Variants in XPO4 observed in about 807,000 individuals in gnomAD.
The protein encoded by XPO4 is exportin-4.
In XPO4, 39 loss-of-function variants were observed where a neutral mutation model predicts 143.0. That is an observed-to-expected ratio of 0.27 (90% CI 0.21 to 0.36). XPO4 has a LOEUF of 0.36. XPO4 is among the 10% of genes least tolerant of loss of function. The pLI is 1.00. For missense variants in XPO4, 907 were observed against 1,348.0 expected (o/e 0.67, Z 5.12); for synonymous variants, 439 against 474.0 (o/e 0.93, Z 0.96).
chr13:20,793,160 GTTTCAGCTATTATCT>G (rs2059309480), intron 18 of XPO4, among the ~76,000 whole-genome samples: 1 of 152,032 alleles, frequency 6.6e-6, no homozygotes, highest in African/African-American at 2.4e-5. Context: ...TTTATATTTT[GTTTCAGCTATTATCT>G]TTATTTTTAA....
chr13:20,862,413 A>G (rs1424384856), intron 3 of XPO4, among the ~76,000 whole-genome samples: 3 of 152,318 alleles, frequency 2.0e-5, no homozygotes, highest in Non-Finnish European at 2.9e-5. Context: ...ACTACCTACA[A>G]TCACGTGTAT....
chr13:20,836,391 A>C (rs2059917415), intron 6 of XPO4, among the ~76,000 whole-genome samples: 1 of 151,524 alleles, frequency 6.6e-6, no homozygotes, highest in African/African-American at 2.4e-5. Flanking sequence ...CTTTCCAAAC[A>C]CTCCTTGCCT....
Position 20,782,895 on chromosome 13 carries a change from C to G in XPO4, c.*827G>C, listed in dbSNP as rs1372336927. On this transcript the variant is annotated 3_prime_UTR_variant, in exon 23 of 23. Coordinates refer to ENST00000255305, the MANE Select transcript of XPO4 (RefSeq NM_022459.5). ...AACAAAAATATACATGTATTTTCCT[C>G]CTCAAGTTCAGGCATCAGAGTATGA... 1.3e-5 allele frequency: 2 copies of G among 152,592 alleles called. No homozygotes were observed. The highest frequency in any genetic ancestry group is 1.3e-4 in the Admixed American group (2 of 15,272). The allele number at this position is 152,592 out of a possible 1,614,324, so 9.5% of individuals were successfully genotyped here. A position where few individuals can be genotyped will look rare whatever the true frequency, so the allele number is the denominator to read the frequency against.
chr13:20,862,086 C>T (rs2060206484), intron 3 of XPO4, among the ~76,000 whole-genome samples: 1 of 152,032 alleles, frequency 6.6e-6, no homozygotes, highest in African/African-American at 2.4e-5. Context: ...CACACCCAGC[C>T]CTCTATGCAC....
intron 1 of XPO4, among the ~76,000 whole-genome samples, chr13:20,899,312 T>C (rs1003934029): frequency 4.0e-5 from 6 of 151,674 alleles, no homozygotes; most frequent in African/African-American, 7.3e-5. Flanking sequence ...ATAGTATATG[T>C]TGACTAAGAA....
chr13:20,779,583 C>G lies in XPO4; in HGVS notation c.*4139G>C, dbSNP rs909862533. Reference sequence around the variant, plus strand: ...GGAGGGTAAAGATGTGAGCTTCAAGCGGGTAATGGGCAAGCCACACCTCCC... The same window carrying G: ...GGAGGGTAAAGATGTGAGCTTCAAGGGGGTAATGGGCAAGCCACACCTCCC... On this transcript the variant is annotated 3_prime_UTR_variant, in exon 23 of 23. Transcript: ENST00000255305. 2.0e-5 allele frequency: 3 copies of G among 152,502 alleles called. No individual in the cohort carries two copies. Among genetic ancestry groups the G allele is most frequent in the Admixed American group, 2.0e-4 (3 of 15,278 alleles). The allele number at this position is 152,502 out of a possible 1,614,324, so 9.4% of individuals were successfully genotyped here.
intron 18 of XPO4, 39 bp downstream of exon 18, chr13:20,796,037 A>G (rs994342704): frequency 4.5e-6 from 7 of 1,549,998 alleles, no homozygotes; most frequent in East Asian, 4.5e-5. Flanking sequence ...AAAAAGGAGG[A>G]TAACAACAAA....
intron 2 of XPO4, chr13:20,865,572 T>G (rs1410361283): frequency 1.0e-6 from 1 of 972,002 alleles, no homozygotes; most frequent in Non-Finnish European, 1.2e-6. Flanking sequence ...ATAATAATTA[T>G]GTAAATAAAA....
At chr13:20,838,487 G>A (rs1566597913) in intron 6 of XPO4, among the ~76,000 whole-genome samples, 1 of 151,724 alleles carries the variant, frequency 6.6e-6, no homozygotes, top group African/African-American at 2.4e-5. Flanking sequence ...GCGGGCACCT[G>A]TGGTCCCAGC....
chr13:20,787,589 C>T lies in XPO4; in HGVS notation c.3057G>A (p.Ser1019=), dbSNP rs748295299. The T allele has an allele frequency of 4.3e-5, 70 of 1,613,884 alleles. No homozygotes were observed. The East Asian group carries it at 1.1e-3, about 25-fold the overall frequency. Residue 1019 remains serine (S), a synonymous_variant, in exon 21 of 23, where the codon TCG becomes TCA. Transcript: ENST00000255305. ...SLELGMTSMS[S]EVCQLCLEAL... ...CCTCCAGGCAAAGCTGGCAAACCTC[C>T]GAACTCATTCTGATCATGAAGGTCA...
chr13:20,870,089 C>CAAAAAAAAAAAAAAA (rs59710121), intron 1 of XPO4, among the ~76,000 whole-genome samples: 29 of 98,890 alleles, frequency 2.9e-4, no homozygotes, highest in African/African-American at 1.3e-3. Context: ...GAAGGAGTCT[C>CAAAAAAAAAAAAAAA]AAAAAAAAAA....
At chr13:20,840,968 A>T (rs1371389733) in intron 6 of XPO4, among the ~76,000 whole-genome samples, 5 of 152,222 alleles carry the variant, frequency 3.3e-5, no homozygotes, top group Non-Finnish European at 5.9e-5. Context: ...AGATTTTCCA[A>T]AGCTTTATCT....
chr13:20,872,626 C>T (rs2060310224), intron 1 of XPO4, among the ~76,000 whole-genome samples: 1 of 152,164 alleles, frequency 6.6e-6, no homozygotes, highest in African/African-American at 2.4e-5. Context: ...CTAATCCTAA[C>T]AACTCTATGG....
At chr13:20,841,627 C>T (rs1328099456) in intron 6 of XPO4, among the ~76,000 whole-genome samples, 4 of 151,924 alleles carry the variant, frequency 2.6e-5, no homozygotes, top group Non-Finnish European at 4.4e-5. Flanking sequence ...GGAGAGCTCA[C>T]GAGTCAGACT....
intron 1 of XPO4, among the ~76,000 whole-genome samples, chr13:20,876,209 C>A (rs2138148938): frequency 6.8e-6 from 1 of 147,632 alleles, no homozygotes; most frequent in African/African-American, 2.5e-5. Flanking sequence ...TTGCAGTGAG[C>A]CAAGATTGCG....
At chr13:20,902,315 C>G in intron 1 of XPO4, 8 of 985,420 alleles carry the variant, frequency 8.1e-6, no homozygotes, top group Non-Finnish European at 6.0e-6. Context: ...ACAAATTTCC[C>G]CTACCGAAGC....
At chr13:20,852,771 AT>A (rs1234517730) in intron 4 of XPO4, 1 of 984,714 alleles carries the variant, frequency 1.0e-6, no homozygotes, top group East Asian at 1.1e-4. Context: ...ACAAATGAAA[AT>A]TGCTTGACTG....
Position 20,783,867 on chromosome 13 carries a change from A to G in XPO4, c.3311T>C (p.Val1104Ala). Reference sequence around the variant, plus strand: ...GGCATCTGCTAATCTCTGGTAAATAACTGGGTCTTGCTGACTTGATAGTAA... The same window carrying G: ...GGCATCTGCTAATCTCTGGTAAATAGCTGGGTCTTGCTGACTTGATAGTAA... ...ETLLSSQQDP[V>A]IYQRLADAFN... is the part of the protein sequence containing the mutation. Residue 1104 changes from valine to alanine, a missense_variant, in exon 23 of 23, where the codon GTT (valine) becomes GCT (alanine). By Grantham distance (64) the Val-to-Ala change is moderately conservative. Transcript: ENST00000255305. 6.2e-7 allele frequency: 1 copy of G among 1,614,194 alleles called. No individual in the cohort carries two copies. Among genetic ancestry groups the G allele is most frequent in the Non-Finnish European group, 8.5e-7 (1 of 1,180,036 alleles).
chr13:20,795,181 C>G (rs78584487), intron 18 of XPO4, among the ~76,000 whole-genome samples: 1 of 152,090 alleles, frequency 6.6e-6, no homozygotes, highest in Non-Finnish European at 1.5e-5. Flanking sequence ...CGTGTCTGCA[C>G]AACATATAAT....
Sources: gnomAD v4.1 joint callset for allele counts (sites outside exome capture counted in the v4.1 genomes callset) on GRCh38, gnomAD v4.1.1 for gene constraint, MANE v1.5 for transcripts, NCBI Gene and HGNC (gene_info 2026-07-23, HGNC 2026-07-21) for gene names.